Variants in C11orf65 observed in about 807,000 individuals in gnomAD.
C11orf65 encodes protein MFI.
In C11orf65, 38 loss-of-function variants were observed where a neutral mutation model predicts 35.3. The ratio of observed to expected loss-of-function variants is 1.08; its 90% CI spans 0.83 to 1.41. C11orf65 has a LOEUF of 1.41. Among genes scored for constraint, C11orf65 ranks in the 40% most tolerant of loss-of-function variants. C11orf65 has a pLI of 0.00. For missense variants in C11orf65, 370 were observed against 367.1 expected, an observed-to-expected ratio of 1.01 and a Z score of -0.06; for synonymous variants, 105 against 114.4, an observed-to-expected ratio of 0.92 and a Z score of 0.53.
At chr11:108,378,972 AAAC>A (rs1195734581), downstream of C11orf65, among the ~76,000 whole-genome samples, 2 of 152,162 alleles carry the variant, frequency 1.3e-5, no homozygotes, top group Non-Finnish European at 2.9e-5. Context: ...AAAAGTCAGG[AAAC>A]AACAGGTGCT....
At chr11:108,374,685 C>T (rs1160568751) in intron 2 of C11orf65, among the ~76,000 whole-genome samples, 2 of 152,206 alleles carry the variant, frequency 1.3e-5, no homozygotes, top group Non-Finnish European at 2.9e-5. Flanking sequence ...GATCAAACTA[C>T]TCCGAGCTAC....
At chr11:108,399,335 C>A (rs2092391338) in intron 6 of C11orf65, among the ~76,000 whole-genome samples, 2 of 152,182 alleles carry the variant, frequency 1.3e-5, no homozygotes. Flanking sequence ...AAATGTTGAT[C>A]AGCTGGGAAA....
intron 3 of C11orf65, chr11:108,331,618 A>T (rs1024313320): frequency 9.2e-6 from 13 of 1,411,294 alleles, no homozygotes; most frequent in Non-Finnish European, 1.2e-5. Context: ...ACTATATATT[A>T]TATAAAGTAT....
At chr11:108,435,210 T>C (rs2093044592) in intron 2 of C11orf65, among the ~76,000 whole-genome samples, 1 of 152,152 alleles carries the variant, frequency 6.6e-6, no homozygotes, top group Non-Finnish European at 1.5e-5. Context: ...TCTGCAGATA[T>C]AATGGTCTTA....
At chr11:108,422,908 C>T (rs2092840789) in intron 3 of C11orf65, among the ~76,000 whole-genome samples, 1 of 151,330 alleles carries the variant, frequency 6.6e-6, no homozygotes, top group South Asian at 2.1e-4. Context: ...CTGGCCTGTA[C>T]CTCACACCAT....
At chr11:108,383,280 T>A in intron 8 of C11orf65, 105 bp from the exon 9 acceptor site, 1 of 969,874 alleles carries the variant, frequency 1.0e-6, no homozygotes, top group Non-Finnish European at 1.5e-6. Context: ...TCACCATTCT[T>A]AAAGCAAATA....
At chr11:108,434,054 C>T (rs912688266) in intron 2 of C11orf65, among the ~76,000 whole-genome samples, 10 of 152,040 alleles carry the variant, frequency 6.6e-5, no homozygotes, top group African/African-American at 2.4e-4. Context: ...ATGCTTGTGT[C>T]GTATGTGAAT....
At chr11:108,440,399 A>G (rs776574332) in intron 2 of C11orf65, among the ~76,000 whole-genome samples, 27 of 152,326 alleles carry the variant, frequency 1.8e-4, no homozygotes, top group Non-Finnish European at 3.4e-4. Context: ...AGCGGGGATG[A>G]CTTGAACAGT....
intron 7 of C11orf65, among the ~76,000 whole-genome samples, chr11:108,392,414 A>T (rs1211278239): frequency 2.6e-5 from 1 of 39,164 alleles, no homozygotes; most frequent in African/African-American, 1.2e-4. Context: ...TCGTCAGCTC[A>T]TGGACATTTG....
intron 8 of C11orf65, 53 bp from the exon 9 acceptor site, chr11:108,383,228 A>C: frequency 1.4e-6 from 2 of 1,388,614 alleles, no homozygotes; most frequent in East Asian, 4.6e-5. Context: ...TAAGATGCTC[A>C]CTCAAAATGC....
At chr11:108,361,393 A>T (rs1207905203) in intron 2 of C11orf65, among the ~76,000 whole-genome samples, 1 of 151,690 alleles carries the variant, frequency 6.6e-6, no homozygotes, top group African/African-American at 2.4e-5. Flanking sequence ...TACAGATTCA[A>T]TGGCATCCCC....
At chr11:108,333,712 A>T (rs2086524251) in intron 3 of C11orf65, among the ~76,000 whole-genome samples, 1 of 152,172 alleles carries the variant, frequency 6.6e-6, no homozygotes, top group South Asian at 2.1e-4. Context: ...ACCACTGTTG[A>T]GCTTTGACTC....
intron 3 of C11orf65, among the ~76,000 whole-genome samples, chr11:108,412,196 C>CA (rs1444544628): frequency 6.6e-6 from 1 of 151,920 alleles, no homozygotes; most frequent in East Asian, 1.9e-4. Context: ...GTCAGTCTGA[C>CA]AACCTTTGCT....
intron 6 of C11orf65, among the ~76,000 whole-genome samples, chr11:108,404,045 C>T (rs2092491866): frequency 6.6e-6 from 1 of 152,116 alleles, no homozygotes; most frequent in Non-Finnish European, 1.5e-5. Flanking sequence ...ATACCTCTTC[C>T]CCAGACCACT....
At chr11:108,377,325 T>C (rs1217500201) in intron 2 of C11orf65, among the ~76,000 whole-genome samples, 1 of 152,148 alleles carries the variant, frequency 6.6e-6, no homozygotes, top group Non-Finnish European at 1.5e-5. Context: ...GCTGGTTCAA[T>C]GTACGCAAAT....
At chr11:108,395,357 C>T (rs2095953008) in intron 6 of C11orf65, among the ~76,000 whole-genome samples, 1 of 150,242 alleles carries the variant, frequency 6.7e-6, no homozygotes, top group Non-Finnish European at 1.5e-5. Context: ...GATGGAGTTG[C>T]TCTGTCTCCC....
At chr11:108,358,630 G>A (rs577992646) in intron 2 of C11orf65, among the ~76,000 whole-genome samples, 26 of 138,134 alleles carry the variant, frequency 1.9e-4, no homozygotes, top group African/African-American at 7.0e-4. Flanking sequence ...AAGAGAGTGG[G>A]GGCCAATATT....
At chr11:108,311,913 C>T (rs1044478573) in intron 6 of C11orf65, among the ~76,000 whole-genome samples, 4 of 152,160 alleles carry the variant, frequency 2.6e-5, no homozygotes, top group Non-Finnish European at 5.9e-5. Context: ...AATCTGAGTT[C>T]TAATCCTGAC....
At chr11:108,403,265 A>T (rs2092471984) in intron 6 of C11orf65, among the ~76,000 whole-genome samples, 2 of 152,190 alleles carry the variant, frequency 1.3e-5, no homozygotes, top group African/African-American at 4.8e-5. Flanking sequence ...GTGTAGGGGT[A>T]TCTCATTATC....
Sources: allele counts gnomAD v4.1 joint callset (sites outside exome capture counted in the v4.1 genomes callset), GRCh38; gene constraint gnomAD v4.1.1; transcripts MANE v1.5; gene names NCBI Gene and HGNC (gene_info 2026-07-23, HGNC 2026-07-21).